The following RNF169 variants were observed in gnomAD, a reference collection of about 807,000 sequenced individuals.
The protein encoded by RNF169 is E3 ubiquitin-protein ligase RNF169.
A neutral mutation model predicts 53.9 loss-of-function variants in RNF169; 24 were observed. The ratio of observed to expected loss-of-function variants is 0.45; its 90% CI spans 0.32 to 0.63. RNF169 has a LOEUF of 0.63. Among genes scored for constraint, RNF169 ranks in the 20% least tolerant of loss-of-function variants. RNF169 has a pLI of 0.04. For missense variants in RNF169, 883 were observed against 906.2 expected (o/e 0.97, Z 0.33); for synonymous variants, 396 against 363.5 (o/e 1.09, Z -1.02).
At chr11:74,809,087 G>A (rs530904845) in intron 2 of RNF169, among the ~76,000 whole-genome samples, 2 of 151,650 alleles carry the variant, frequency 1.3e-5, no homozygotes, top group East Asian at 1.9e-4. Context: ...GTTGTTTATT[G>A]TTGTGGGGTT....
intron 1 of RNF169, among the ~76,000 whole-genome samples, chr11:74,752,780 A>G (rs2034920029): frequency 6.6e-6 from 1 of 152,030 alleles, no homozygotes; most frequent in Non-Finnish European, 1.5e-5. Flanking sequence ...AGTATGTTGT[A>G]TGGAATTTTA....
intron 2 of RNF169, among the ~76,000 whole-genome samples, chr11:74,803,275 C>T (rs572568286): frequency 4.6e-4 from 70 of 152,072 alleles, no homozygotes; most frequent in African/African-American, 1.5e-3. Flanking sequence ...TTAGTAGAGA[C>T]GGGGTTTCAC....
intron 1 of RNF169, among the ~76,000 whole-genome samples, chr11:74,788,324 C>CACAT (rs1207579417): frequency 6.6e-6 from 1 of 151,744 alleles, no homozygotes; most frequent in African/African-American, 2.4e-5. Flanking sequence ...CACACACACA[C>CACAT]GACCACATTA....
At position 74,810,337 on chromosome 11, in the gene RNF169, A is replaced by C. The variant is rs1227489257; in HGVS notation, c.723+7A>C. On this transcript the variant is annotated splice_region_variant and intron_variant, in intron 3 of 5. Coordinates refer to ENST00000299563, the MANE Select transcript of RNF169 (RefSeq NM_001098638.2). ...GAAAACAAATCTGGAACGTGTAAGT[A>C]AATCACCTTTTTAATGGATACCTGC... 1 of 1,612,926 alleles carries C rather than the reference A, an allele frequency of 6.2e-7. No homozygotes were observed. Among genetic ancestry groups the C allele is most frequent in the Non-Finnish European group, 8.5e-7 (1 of 1,179,596 alleles).
intron 3 of RNF169, among the ~76,000 whole-genome samples, chr11:74,811,060 G>T (rs1276663272): frequency 6.6e-6 from 1 of 151,776 alleles, no homozygotes; most frequent in Admixed American, 6.6e-5. Flanking sequence ...AAAATTTCAG[G>T]TTGTCTTTCT....
At chr11:74,809,132 G>T (rs2035841676) in intron 2 of RNF169, among the ~76,000 whole-genome samples, 1 of 151,420 alleles carries the variant, frequency 6.6e-6, no homozygotes, top group Non-Finnish European at 1.5e-5. Context: ...GTTTTGTTTT[G>T]TTTTAAACCT....
intron 3 of RNF169, among the ~76,000 whole-genome samples, chr11:74,815,142 T>C (rs1018856056): frequency 1.3e-5 from 2 of 152,212 alleles, no homozygotes; most frequent in Non-Finnish European, 2.9e-5. Context: ...TTGGGGCTTA[T>C]TTTTATCAAA....
At chr11:74,786,292 G>A (rs2135076172) in intron 1 of RNF169, among the ~76,000 whole-genome samples, 1 of 150,930 alleles carries the variant, frequency 6.6e-6, no homozygotes, top group South Asian at 2.1e-4. Flanking sequence ...TGTTGCCTAG[G>A]CACAATCATG....
intron 1 of RNF169, among the ~76,000 whole-genome samples, chr11:74,771,055 G>A (rs1282227227): frequency 2.0e-5 from 3 of 151,904 alleles, no homozygotes; most frequent in Non-Finnish European, 2.9e-5. Context: ...GATCCCCCCC[G>A]CCTCGACCTC....
intron 4 of RNF169, among the ~76,000 whole-genome samples, chr11:74,833,474 CT>C (rs990018819): frequency 6.6e-6 from 1 of 152,202 alleles, no homozygotes; most frequent in Non-Finnish European, 1.5e-5. Context: ...TACAGGAGGA[CT>C]TTTCCAACCC....
chr11:74,829,483 C>T (rs1175074417), intron 4 of RNF169, among the ~76,000 whole-genome samples: 2 of 152,196 alleles, frequency 1.3e-5, no homozygotes, highest in Non-Finnish European at 2.9e-5. Context: ...CCAGCAATCT[C>T]ATTACTAGGT....
chr11:74,762,992 G>T (rs1373991883), intron 1 of RNF169, among the ~76,000 whole-genome samples: 1 of 152,156 alleles, frequency 6.6e-6, no homozygotes, highest in Non-Finnish European at 1.5e-5. Context: ...GATTTTTGAT[G>T]TGCTGCACTC....
rs1049811608 is a variant in RNF169 at position 74,840,342 on chromosome 11, C to T, written c.*3612C>T. On this transcript the variant is annotated 3_prime_UTR_variant, in exon 6 of 6. Coordinates refer to ENST00000299563, the MANE Select transcript of RNF169 (RefSeq NM_001098638.2). ...TTCTGGTCCCATTTAGAAAACTGAC[C>T]AGCACCCAGCAAGCTGCATTCTACA... The T allele has an allele frequency of 2.6e-5, 4 of 152,218 alleles. No individual in the cohort carries two copies. Among genetic ancestry groups the T allele is most frequent in the African/African-American group, 7.2e-5 (3 of 41,452 alleles). The allele number at this position is 152,218 out of a possible 1,614,324, so 9.4% of individuals were successfully genotyped here.
intron 1 of RNF169, among the ~76,000 whole-genome samples, chr11:74,765,093 C>T (rs908440154): frequency 1.3e-5 from 2 of 152,068 alleles, no homozygotes; most frequent in Non-Finnish European, 2.9e-5. Flanking sequence ...CCTGTGGTCC[C>T]AGCAATACAG....
chr11:74,762,269 G>A (rs560610286), intron 1 of RNF169, among the ~76,000 whole-genome samples: 15 of 150,916 alleles, frequency 9.9e-5, no homozygotes, highest in East Asian at 9.8e-4. Context: ...GTAGCTCAGA[G>A]TAATTTGATC....
rs1487989511 is a variant in RNF169 at position 74,839,172 on chromosome 11, C to A, written c.*2442C>A. On this transcript the variant is annotated 3_prime_UTR_variant, in exon 6 of 6. Coordinates refer to ENST00000299563, the MANE Select transcript of RNF169 (RefSeq NM_001098638.2). The stretch of plus-strand genomic sequence containing the variant: ...AGCTTACTGCCTTCCCCCCTTGTAC[C>A]TACAGTGATGCCTAGGATGGTATTG... The A allele has an allele frequency of 6.6e-6, 1 of 152,130 alleles. No individual in the cohort carries two copies. Among genetic ancestry groups the A allele is most frequent in the Admixed American group, 6.6e-5 (1 of 15,266 alleles). 9.4% of individuals were successfully genotyped at this position (152,130 alleles called of 1,614,324 possible).
intron 1 of RNF169, among the ~76,000 whole-genome samples, chr11:74,784,942 G>A (rs1423576998): frequency 6.6e-6 from 1 of 152,074 alleles, no homozygotes; most frequent in African/African-American, 2.4e-5. Flanking sequence ...GTGTGCACTT[G>A]TGCATATGCA....
rs560944754 is a variant in RNF169 at position 74,834,736 on chromosome 11, G to A, written c.903G>A (p.Ala301=). 1.4e-5 allele frequency: 23 copies of A among 1,613,986 alleles called. No individual in the cohort carries two copies. The Middle Eastern group carries it at 5.0e-4, about 35-fold the overall frequency. The change falls in exon 5 of 6, where the codon GCG becomes GCA. Residue 301 remains alanine, a synonymous_variant. Coordinates refer to ENST00000299563, the MANE Select transcript of RNF169 (RefSeq NM_001098638.2). ...GTAGTGACACAGCCCAGGAAAGAGC[G>A]AAGAGCAGAGTCAGAGCAGTTCCAG... ...QSCSDTAQER[A]KSRVRAVPGN...
At chr11:74,791,267 C>G (rs951949423) in intron 2 of RNF169, among the ~76,000 whole-genome samples, 1 of 152,120 alleles carries the variant, frequency 6.6e-6, no homozygotes, top group African/African-American at 2.4e-5. Flanking sequence ...GGAGGAAGTG[C>G]ATACTGATTG....
Sources: gnomAD v4.1 joint callset for allele counts (sites outside exome capture counted in the v4.1 genomes callset) on GRCh38, gnomAD v4.1.1 for gene constraint, MANE v1.5 for transcripts, NCBI Gene and HGNC (gene_info 2026-07-23, HGNC 2026-07-21) for gene names.